ADRA1A: variants seen among roughly 807,000 people sequenced by gnomAD.
ADRA1A encodes alpha-1A adrenergic receptor.
In ADRA1A, 31 loss-of-function variants were observed where a neutral mutation model predicts 29.6. That is an observed-to-expected ratio of 1.05 (90% CI 0.79 to 1.41). The LOEUF (loss-of-function observed/expected upper bound fraction) is 1.41. Ranked by LOEUF, ADRA1A falls within the 40% of genes most tolerant of loss-of-function variation. The pLI is 0.00. For missense variants in ADRA1A, 619 were observed against 601.1 expected, an observed-to-expected ratio of 1.03 and a Z score of -0.31; for synonymous variants, 311 against 254.3, an observed-to-expected ratio of 1.22 and a Z score of -2.12.
intron 2 of ADRA1A, among the ~76,000 whole-genome samples, chr8:26,838,581 T>G (rs1482655454): frequency 6.6e-6 from 1 of 152,172 alleles, no homozygotes; most frequent in Non-Finnish European, 1.5e-5. Flanking sequence ...AATTTAGAGC[T>G]TACAAGATGA....
At chr8:26,851,686 G>A (rs1812643825) in intron 2 of ADRA1A, among the ~76,000 whole-genome samples, 1 of 152,030 alleles carries the variant, frequency 6.6e-6, no homozygotes. Context: ...AGAACAAAAA[G>A]TCTATCTTTA....
chr8:26,798,545 T>G lies in ADRA1A; in HGVS notation c.884-27879A>C, dbSNP rs371595065. Among the ~76,000 whole-genome samples the G allele has an allele frequency of 2.6e-5, 4 of 152,180 alleles. No individual in the cohort carries two copies. In the East Asian group the frequency reaches 7.7e-4, roughly 29 times the overall value. Reference sequence around the variant, plus strand: ...GGACATTTTTTTATTCCTAAATTATTTCCCCAGACAGAGATGATAATTCAG... The same window carrying G: ...GGACATTTTTTTATTCCTAAATTATGTCCCCAGACAGAGATGATAATTCAG... On this transcript the variant is annotated intron_variant, in intron 2 of 2. Transcript: ENST00000380573.
At chr8:26,840,044 A>G (rs1265105072) in intron 2 of ADRA1A, among the ~76,000 whole-genome samples, 1 of 152,232 alleles carries the variant, frequency 6.6e-6, no homozygotes, top group African/African-American at 2.4e-5. Flanking sequence ...GCAATCTGCA[A>G]TTTCTCAAGT....
chr8:26,864,352 G>A lies in ADRA1A; in HGVS notation c.618C>T (p.Arg206=). 1 of 1,614,032 alleles carries A rather than the reference G, an allele frequency of 6.2e-7. No homozygotes were observed. The highest frequency in any genetic ancestry group is 8.5e-7 in the Non-Finnish European group (1 of 1,180,010). Reference sequence around the variant, plus strand: ...TCTCCCTCTTGGCCACCACGTAGACGCGGCAGTACATGACCAGGATGATGG... The same window carrying A: ...TCTCCCTCTTGGCCACCACGTAGACACGGCAGTACATGACCAGGATGATGG... ...PLAIILVMYC[R]VYVVAKRESR... The change falls in exon 2 of 3, where the codon CGC becomes CGT. Residue 206 remains arginine, a synonymous_variant. Transcript: ENST00000380573. The surrounding 1 kb of genome is among the most constrained non-coding windows in gnomAD (Gnocchi z 8.1).
At chr8:26,859,200 A>G (rs1176566793) in intron 2 of ADRA1A, 2 of 1,284,858 alleles carry the variant, frequency 1.6e-6, no homozygotes, top group Admixed American at 2.3e-5. Context: ...TTAAGAATGT[A>G]TGTCCCTTGA....
At chr8:26,812,316 G>A (rs1809450334) in intron 2 of ADRA1A, among the ~76,000 whole-genome samples, 2 of 152,142 alleles carry the variant, frequency 1.3e-5, no homozygotes, top group African/African-American at 4.8e-5. Flanking sequence ...TCCATATTCT[G>A]TCAACTCATA....
intron 2 of ADRA1A, among the ~76,000 whole-genome samples, chr8:26,844,700 G>A (rs944751720): frequency 4.6e-5 from 7 of 152,134 alleles, no homozygotes; most frequent in African/African-American, 1.4e-4. Flanking sequence ...GAAATTGGAA[G>A]CTTACCTCCT....
downstream of ADRA1A, among the ~76,000 whole-genome samples, chr8:26,753,255 C>A (rs920373771): frequency 4.5e-4 from 69 of 152,140 alleles, no homozygotes; most frequent in African/African-American, 1.6e-3. Context: ...CTATGGGTAA[C>A]TTAATATGTC....
At chr8:26,751,840 T>C (rs1298514727), downstream of ADRA1A, among the ~76,000 whole-genome samples, 1 of 152,222 alleles carries the variant, frequency 6.6e-6, no homozygotes, top group Non-Finnish European at 1.5e-5. Context: ...TATTATCTCG[T>C]TTTACAGGTA....
chr8:26,839,580 G>C (rs959206090), intron 2 of ADRA1A, among the ~76,000 whole-genome samples: 2 of 152,148 alleles, frequency 1.3e-5, no homozygotes, highest in Admixed American at 1.3e-4. Context: ...CTTGAAGTCA[G>C]GGTCTGTTCC....
chr8:26,810,676 A>C (rs970273344), intron 2 of ADRA1A, among the ~76,000 whole-genome samples: 2 of 152,140 alleles, frequency 1.3e-5, no homozygotes, highest in Non-Finnish European at 2.9e-5. Flanking sequence ...ACAGGACTTT[A>C]GAGGAGACCT....
At position 26,775,910 on chromosome 8, in the gene ADRA1A, A is replaced by G. The variant is rs746538561; in HGVS notation, c.884-5244T>C. Reference sequence around the variant, plus strand: ...AGATGCCAAGAAGAAATTGAAACGAATAATTTAAAATGTTGCCTCTATGTC... The same window carrying G: ...AGATGCCAAGAAGAAATTGAAACGAGTAATTTAAAATGTTGCCTCTATGTC... On this transcript the variant is annotated intron_variant, in intron 2 of 2. Transcript: ENST00000380573. The surrounding 1 kb of genome is among the most constrained non-coding windows in gnomAD (Gnocchi z 4.1). Among the ~76,000 whole-genome samples, 8 of 152,202 alleles carry G rather than the reference A, an allele frequency of 5.3e-5. No individual in the cohort carries two copies. The highest frequency in any genetic ancestry group is 1.2e-4 in the Non-Finnish European group (8 of 68,038).
At chr8:26,766,677 T>C (rs1478142885), downstream of ADRA1A, among the ~76,000 whole-genome samples, 1 of 152,110 alleles carries the variant, frequency 6.6e-6, no homozygotes, top group Non-Finnish European at 1.5e-5. Context: ...CTATGGAAAA[T>C]GTGCAGGTTG....
chr8:26,788,775 G>A (rs1272650653), intron 2 of ADRA1A, among the ~76,000 whole-genome samples: 1 of 152,046 alleles, frequency 6.6e-6, no homozygotes, highest in African/African-American at 2.4e-5. Context: ...TCCTGTACCT[G>A]CTAACACCGA....
intron 2 of ADRA1A, among the ~76,000 whole-genome samples, chr8:26,782,555 C>T (rs1807075142): frequency 6.6e-6 from 1 of 152,156 alleles, no homozygotes; most frequent in Non-Finnish European, 1.5e-5. Flanking sequence ...ATTTAGAAAT[C>T]TCAGCTTTGC....
At chr8:26,773,234 C>G (rs1806306876) in intron 2 of ADRA1A, among the ~76,000 whole-genome samples, 1 of 152,184 alleles carries the variant, frequency 6.6e-6, no homozygotes, top group African/African-American at 2.4e-5. Flanking sequence ...AATAATACAT[C>G]TCTTAGGAGG....
rs186646572 is a variant in ADRA1A, at chr8:26,750,650, T to C, written c.1270-1902A>G. 2.4e-4 allele frequency among the ~76,000 whole-genome samples: 37 copies of C among 152,370 alleles called. 2 individuals carry two copies. The Middle Eastern group carries it at 0.01, about 42-fold the overall frequency. On this transcript the variant is annotated intron_variant, in intron 2 of 2. Transcript: ENST00000380586. ...TTTGGAGGGACACAAACATTCCTTC[T>C]GTGGCATTCCTCAAACCTGGATATT...
At chr8:26,800,505 GA>G (rs1256443212) in intron 2 of ADRA1A, among the ~76,000 whole-genome samples, 2 of 152,080 alleles carry the variant, frequency 1.3e-5, no homozygotes, top group African/African-American at 4.8e-5. Context: ...GAACCTAGAA[GA>G]AATGGACATA....
intron 2 of ADRA1A, chr8:26,779,213 T>A: frequency 3.0e-6 from 2 of 669,010 alleles, no homozygotes; most frequent in Admixed American, 4.3e-5. Flanking sequence ...AGGAACCCAA[T>A]TAACAGTTCC....
Sources: allele counts gnomAD v4.1 joint callset (sites outside exome capture counted in the v4.1 genomes callset), GRCh38; gene constraint gnomAD v4.1.1; non-coding constraint Gnocchi (gnomAD v3.1); transcripts MANE v1.5; gene names NCBI Gene and HGNC (gene_info 2026-07-23, HGNC 2026-07-21).